MCPH1: variants seen among roughly 807,000 people sequenced by gnomAD.
The protein encoded by MCPH1 is microcephalin 1.
MCPH1 carries 104 observed loss-of-function variants against 84.5 expected under a neutral mutation model. The observed-to-expected ratio is 1.23, with a 90% CI of 1.05 to 1.45. The LOEUF is 1.45. Among genes scored for constraint, MCPH1 ranks in the 40% most tolerant of loss-of-function variants. The pLI, the probability that MCPH1 is intolerant of heterozygous loss-of-function variation, is 0.00. For synonymous variants in MCPH1, 514 were observed against 366.8 expected, an observed-to-expected ratio of 1.40 and a Z score of -4.58; for missense variants, 1,498 against 1,005.7, an observed-to-expected ratio of 1.49 and a Z score of -6.62.
At chr8:6,439,126 A>G in intron 6 of MCPH1, 30 bp downstream of exon 6, 2 of 1,603,086 alleles carry the variant, frequency 1.2e-6, no homozygotes, top group South Asian at 2.2e-5. Flanking sequence ...AATGAAAATT[A>G]TGCAAATAGC....
chr8:6,638,643 C>T (rs550384023), intron 13 of MCPH1, among the ~76,000 whole-genome samples: 1 of 151,648 alleles, frequency 6.6e-6, no homozygotes. Flanking sequence ...GGCAGTTCAG[C>T]TTCCTATTCA....
intron 12 of MCPH1, among the ~76,000 whole-genome samples, chr8:6,538,007 T>A (rs1010371927): frequency 6.6e-6 from 1 of 152,230 alleles, no homozygotes; most frequent in Non-Finnish European, 1.5e-5. Flanking sequence ...AATTTTCTGG[T>A]AAATTAACAA....
chr8:6,601,604 A>G (rs1272312147), intron 12 of MCPH1, among the ~76,000 whole-genome samples: 2 of 149,348 alleles, frequency 1.3e-5, no homozygotes, highest in African/African-American at 2.5e-5. Context: ...AAATACACAC[A>G]CCATACACAC....
chr8:6,408,204 A>C (rs930836687), intron 1 of MCPH1, among the ~76,000 whole-genome samples: 1 of 152,194 alleles, frequency 6.6e-6, no homozygotes, highest in African/African-American at 2.4e-5. Flanking sequence ...AATAAATTCC[A>C]CTGAAGCTAT....
chr8:6,495,741 A>C (rs1204649464), intron 11 of MCPH1, among the ~76,000 whole-genome samples: 1 of 152,196 alleles, frequency 6.6e-6, no homozygotes, highest in African/African-American at 2.4e-5. Context: ...TAGTGGCAAA[A>C]ACACCCCAAT....
intron 1 of MCPH1, among the ~76,000 whole-genome samples, chr8:6,408,413 G>T (rs1798047306): frequency 6.6e-6 from 1 of 152,064 alleles, no homozygotes; most frequent in African/African-American, 2.4e-5. Flanking sequence ...GTAGAGCCAG[G>T]GTCTCACTAT....
chr8:6,588,943 G>C (rs940608702), intron 12 of MCPH1, among the ~76,000 whole-genome samples: 1 of 152,218 alleles, frequency 6.6e-6, no homozygotes, highest in African/African-American at 2.4e-5. Flanking sequence ...CCAGGACAAA[G>C]GATCAAGGTG....
At chr8:6,623,741 A>G (rs1391303646) in intron 13 of MCPH1, among the ~76,000 whole-genome samples, 1 of 148,582 alleles carries the variant, frequency 6.7e-6, no homozygotes, top group Non-Finnish European at 1.5e-5. Context: ...GTCACAGTCC[A>G]AAAGCTAAGA....
intron 12 of MCPH1, among the ~76,000 whole-genome samples, chr8:6,592,732 G>T (rs970614031): frequency 4.1e-5 from 6 of 146,896 alleles, no homozygotes; most frequent in Non-Finnish European, 7.5e-5. Flanking sequence ...TGGGCTCACT[G>T]CAACCTCTGC....
intron 12 of MCPH1, among the ~76,000 whole-genome samples, chr8:6,604,169 C>T (rs550884156): frequency 3.9e-4 from 57 of 145,218 alleles, no homozygotes; most frequent in African/African-American, 1.3e-3. Flanking sequence ...TGTCATAGGC[C>T]GCAGCCAAGT....
At chr8:6,478,104 C>G (rs1440325078) in intron 10 of MCPH1, among the ~76,000 whole-genome samples, 2 of 152,172 alleles carry the variant, frequency 1.3e-5, no homozygotes, top group African/African-American at 4.8e-5. Flanking sequence ...AAATACAGTG[C>G]TATATTCTTT....
chr8:6,413,063 G>C (rs1000242423), intron 2 of MCPH1, among the ~76,000 whole-genome samples: 1 of 152,192 alleles, frequency 6.6e-6, no homozygotes, highest in Non-Finnish European at 1.5e-5. Flanking sequence ...AAATTATGCA[G>C]ATGAGTTCTG....
intron 10 of MCPH1, among the ~76,000 whole-genome samples, chr8:6,478,412 C>T (rs770915871): frequency 1.9e-4 from 29 of 151,904 alleles, no homozygotes; most frequent in Admixed American, 1.4e-3. Context: ...AATACAGAAG[C>T]GAATATTGAA....
At chr8:6,505,542 GAATATATATAC>G (rs1813416197) in intron 12 of MCPH1, among the ~76,000 whole-genome samples, 1 of 100,468 alleles carries the variant, frequency 1.0e-5, no homozygotes, top group Non-Finnish European at 1.9e-5. Flanking sequence ...TGTATATATA[GAATATATATAC>G]TTTATATATG....
intron 1 of MCPH1, 99 bp from the exon 2 acceptor site, chr8:6,409,180 C>T (rs964932377): frequency 2.2e-5 from 22 of 1,009,748 alleles, no homozygotes; most frequent in African/African-American, 1.9e-4. Flanking sequence ...GCCACTGTGC[C>T]GGCCTCGGTT....
At chr8:6,528,693 C>G (rs1031421753) in intron 12 of MCPH1, among the ~76,000 whole-genome samples, 2 of 152,264 alleles carry the variant, frequency 1.3e-5, no homozygotes, top group African/African-American at 4.8e-5. Context: ...CTACTCACTT[C>G]CTCCATGTCA....
At chr8:6,626,405 G>A (rs900437832) in intron 13 of MCPH1, 2 of 984,518 alleles carry the variant, frequency 2.0e-6, no homozygotes, top group Non-Finnish European at 2.4e-6. Flanking sequence ...TATTGTACTT[G>A]GGCCAAGATT....
rs182889812 is a variant in MCPH1 at position 6,517,350 on chromosome 8, A to C, written c.2214+17421A>C. 1.4e-3 allele frequency among the ~76,000 whole-genome samples: 219 copies of C among 152,348 alleles called. 2 individuals are homozygous for C. Among genetic ancestry groups the C allele is most frequent in the East Asian group, 1.4e-3 (7 of 5,180 alleles). On this transcript the variant is annotated intron_variant, in intron 12 of 13. Transcript: ENST00000344683. Reference sequence around the variant, plus strand: ...TGAGGCAATGATTAAGTGACGGGTTAAATAGCAAACCATAGAGACAACCGT... The same window carrying C: ...TGAGGCAATGATTAAGTGACGGGTTCAATAGCAAACCATAGAGACAACCGT...
At chr8:6,406,786 G>C (rs1486860813) in intron 1 of MCPH1, 97 bp downstream of exon 1, 12 of 1,363,430 alleles carry the variant, frequency 8.8e-6, no homozygotes, top group Admixed American at 1.9e-5. Context: ...GAGGAGCCCC[G>C]CTCGCCCCTC....
Sources: allele counts gnomAD v4.1 joint callset (sites outside exome capture counted in the v4.1 genomes callset), GRCh38; gene constraint gnomAD v4.1.1; transcripts MANE v1.5; gene names NCBI Gene and HGNC (gene_info 2026-07-23, HGNC 2026-07-21).